ERC2: variants seen among roughly 807,000 people sequenced by gnomAD.
ERC2 encodes ERC protein 2.
A neutral mutation model predicts 114.8 loss-of-function variants in ERC2; 42 were observed. The observed-to-expected ratio is 0.37, with a 90% CI of 0.29 to 0.47. The LOEUF (loss-of-function observed/expected upper bound fraction) is 0.47. Among genes scored for constraint, ERC2 ranks in the 20% least tolerant of loss-of-function variants. The probability of loss-of-function intolerance (pLI) is 0.99; values close to 1 mark genes in which losing one functional copy is unlikely to be tolerated. For missense variants in ERC2, 939 were observed against 1,150.7 expected, an observed-to-expected ratio of 0.82 and a Z score of 2.66; for synonymous variants, 454 against 425.5, an observed-to-expected ratio of 1.07 and a Z score of -0.82.
intron 13 of ERC2, among the ~76,000 whole-genome samples, chr3:55,909,793 A>T (rs1263112763): frequency 1.3e-5 from 2 of 152,202 alleles, no homozygotes; most frequent in Non-Finnish European, 2.9e-5. Context: ...TTTTCTACCA[A>T]ACATGACAGA....
At chr3:55,900,516 G>T (rs924861673) in intron 13 of ERC2, among the ~76,000 whole-genome samples, 2 of 152,108 alleles carry the variant, frequency 1.3e-5, no homozygotes, top group African/African-American at 4.8e-5. Flanking sequence ...AGAAGAAAAT[G>T]GGTTTCCTTT....
At chr3:55,675,903 CTTTTTTTTTTTTTTTTTTTTT>C (rs869296098) in intron 17 of ERC2, among the ~76,000 whole-genome samples, 1 of 47,994 alleles carries the variant, frequency 2.1e-5, no homozygotes. Flanking sequence ...TCTTTTCTTT[CTTTTTTTTTTTTTTTTTTTTT>C]TTTTTTTTTT....
chr3:55,921,015 G>A (rs1250709418), intron 13 of ERC2, among the ~76,000 whole-genome samples: 1 of 152,084 alleles, frequency 6.6e-6, no homozygotes, highest in Non-Finnish European at 1.5e-5. Context: ...CTCGGTTCTG[G>A]TGGGAATGCA....
intron 3 of ERC2, among the ~76,000 whole-genome samples, chr3:56,230,746 C>T (rs1298761069): frequency 6.6e-6 from 1 of 152,110 alleles, no homozygotes; most frequent in Non-Finnish European, 1.5e-5. Flanking sequence ...TTTTTGGAAG[C>T]ATTTTATTGT....
chr3:55,718,912 T>A (rs1477230353), intron 15 of ERC2, among the ~76,000 whole-genome samples: 1 of 152,224 alleles, frequency 6.6e-6, no homozygotes, highest in East Asian at 1.9e-4. Flanking sequence ...GCCTGATTCT[T>A]TCTTCCTGTG....
At chr3:56,107,697 G>T (rs2078745329) in intron 6 of ERC2, among the ~76,000 whole-genome samples, 1 of 151,908 alleles carries the variant, frequency 6.6e-6, no homozygotes, top group Admixed American at 6.6e-5. Flanking sequence ...AATAAAACAG[G>T]GAAAACTAAG....
At chr3:56,373,988 C>A (rs73073980) in intron 2 of ERC2, among the ~76,000 whole-genome samples, 1 of 152,132 alleles carries the variant, frequency 6.6e-6, no homozygotes, top group Non-Finnish European at 1.5e-5. Flanking sequence ...TGGCTGACTG[C>A]TGGTCTAAAG....
At chr3:55,599,226 A>G (rs1189041845) in intron 17 of ERC2, among the ~76,000 whole-genome samples, 1 of 152,216 alleles carries the variant, frequency 6.6e-6, no homozygotes, top group African/African-American at 2.4e-5. Flanking sequence ...GCTTACAGCC[A>G]CATCTTGCTA....
chr3:55,899,273 A>G (rs1162685487), intron 13 of ERC2, among the ~76,000 whole-genome samples: 1 of 152,198 alleles, frequency 6.6e-6, no homozygotes, highest in Non-Finnish European at 1.5e-5. Flanking sequence ...TGATGATTCT[A>G]CTTTCTGGAT....
At chr3:56,325,230 G>A (rs2057306796) in intron 2 of ERC2, among the ~76,000 whole-genome samples, 1 of 151,984 alleles carries the variant, frequency 6.6e-6, no homozygotes, top group African/African-American at 2.4e-5. Context: ...GGATTACGAG[G>A]TCAGGAGACT....
intron 2 of ERC2, among the ~76,000 whole-genome samples, chr3:56,404,414 G>A (rs902339774): frequency 7.2e-5 from 11 of 151,948 alleles, no homozygotes; most frequent in African/African-American, 1.9e-4. Flanking sequence ...AATATATGTC[G>A]AATGACTCCT....
chr3:56,453,427 G>A (rs2062915100), intron 1 of ERC2, among the ~76,000 whole-genome samples: 1 of 152,182 alleles, frequency 6.6e-6, no homozygotes, highest in African/African-American at 2.4e-5. Context: ...GAGGTCCTTT[G>A]TTAGCCCAGC....
intron 10 of ERC2, among the ~76,000 whole-genome samples, chr3:55,998,386 A>G (rs1279231309): frequency 6.6e-6 from 1 of 152,140 alleles, no homozygotes; most frequent in Non-Finnish European, 1.5e-5. Flanking sequence ...TAGAGAACTG[A>G]GGTAATTATC....
chr3:55,773,639 C>T (rs894872613), intron 14 of ERC2, among the ~76,000 whole-genome samples: 7 of 152,196 alleles, frequency 4.6e-5, no homozygotes, highest in South Asian at 2.1e-4. Context: ...TCCCACCATC[C>T]GGAATGGTGC....
intron 14 of ERC2, among the ~76,000 whole-genome samples, chr3:55,796,028 C>A (rs1464622592): frequency 6.6e-6 from 1 of 152,096 alleles, no homozygotes; most frequent in Non-Finnish European, 1.5e-5. Flanking sequence ...AGAAGGGCTC[C>A]AAGTGAGACA....
intron 7 of ERC2, among the ~76,000 whole-genome samples, chr3:56,062,487 G>T (rs1474665167): frequency 6.6e-6 from 1 of 152,130 alleles, no homozygotes; most frequent in African/African-American, 2.4e-5. Flanking sequence ...TACTATGAAT[G>T]CTAGAAAATG....
At chr3:55,818,884 T>C (rs959131253) in intron 14 of ERC2, among the ~76,000 whole-genome samples, 3 of 152,186 alleles carry the variant, frequency 2.0e-5, no homozygotes, top group African/African-American at 7.2e-5. Context: ...CATTTCAGAG[T>C]TAATGTATAT....
At chr3:55,993,502 T>C (rs965870829) in intron 10 of ERC2, among the ~76,000 whole-genome samples, 10 of 152,114 alleles carry the variant, frequency 6.6e-5, no homozygotes, top group African/African-American at 1.7e-4. Context: ...AATGATTTAA[T>C]AGAAAAAAAA....
At chr3:56,385,927 TGTAATTTG>T (rs1321575232) in intron 2 of ERC2, among the ~76,000 whole-genome samples, 1 of 152,176 alleles carries the variant, frequency 6.6e-6, no homozygotes, top group African/African-American at 2.4e-5. Flanking sequence ...GAGTATGAGA[TGTAATTTG>T]GTTCTTAGGG....
Sources: allele counts gnomAD v4.1 joint callset (sites outside exome capture counted in the v4.1 genomes callset), GRCh38; gene constraint gnomAD v4.1.1; transcripts MANE v1.5; gene names NCBI Gene and HGNC (gene_info 2026-07-23, HGNC 2026-07-21).